Variants in ARHGEF28 observed in about 807,000 individuals in gnomAD.
ARHGEF28 encodes the protein 190 kDa guanine nucleotide exchange factor.
In ARHGEF28, 152 loss-of-function variants were observed where a neutral mutation model predicts 206.6. That is an observed-to-expected ratio of 0.74 (90% CI 0.64 to 0.84). ARHGEF28 has a LOEUF of 0.84. Ranked by LOEUF, ARHGEF28 falls within the 40% of genes least tolerant of loss-of-function variation. The pLI, the probability that ARHGEF28 is intolerant of heterozygous loss-of-function variation, is 0.00. For synonymous variants in ARHGEF28, 763 were observed against 776.4 expected (o/e 0.98, Z 0.29); for missense variants, 2,028 against 2,073.2 (o/e 0.98, Z 0.42).
chr5:73,878,017 A>G (rs1191423267), intron 22 of ARHGEF28, among the ~76,000 whole-genome samples: 1 of 152,188 alleles, frequency 6.6e-6, no homozygotes, highest in East Asian at 1.9e-4. Flanking sequence ...TAATGCTGAC[A>G]GTGGGGTGTT....
intron 35 of ARHGEF28, among the ~76,000 whole-genome samples, chr5:73,926,309 C>T (rs992193886): frequency 1.3e-5 from 2 of 152,146 alleles, no homozygotes; most frequent in Non-Finnish European, 2.9e-5. Flanking sequence ...TAGCTTCCTT[C>T]TTACTGTGCT....
intron 35 of ARHGEF28, among the ~76,000 whole-genome samples, chr5:73,915,087 A>C (rs1580095848): frequency 6.6e-6 from 1 of 152,284 alleles, no homozygotes; most frequent in Middle Eastern, 3.4e-3. Flanking sequence ...GAACTAATCT[A>C]ATCCTTTTGT....
intron 10 of ARHGEF28, among the ~76,000 whole-genome samples, chr5:73,836,199 T>G (rs1008710903): frequency 6.6e-6 from 1 of 152,212 alleles, no homozygotes; most frequent in East Asian, 1.9e-4. Context: ...GGTAGTTGTA[T>G]TTTAAATTTT....
chr5:73,660,791 G>A (rs1024618833), intron 1 of ARHGEF28, among the ~76,000 whole-genome samples: 1 of 152,168 alleles, frequency 6.6e-6, no homozygotes, highest in Non-Finnish European at 1.5e-5. Flanking sequence ...TGAGCAGTAG[G>A]TCTCAATAAT....
Position 73,770,833 on chromosome 5 carries a change from CAGAA to C in ARHGEF28, c.476-3018_476-3015del, listed in dbSNP as rs1374411619. Among the ~76,000 whole-genome samples, 5 of 152,310 alleles carry C rather than the reference CAGAA, an allele frequency of 3.3e-5. No homozygotes were observed. The South Asian group carries it at 1.0e-3, about 32-fold the overall frequency. On this transcript the variant is annotated intron_variant, in intron 4 of 35. Transcript: ENST00000513042. ...CCTCCCCGGGAAGTGGGTAGATTCT[CAGAA>C]AGAGAGGCAACAGTGAGCCATTCAG...
chr5:73,737,628 C>T (rs1751078108), intron 2 of ARHGEF28, among the ~76,000 whole-genome samples: 1 of 151,714 alleles, frequency 6.6e-6, no homozygotes, highest in Non-Finnish European at 1.5e-5. Context: ...TCTTCTGCCT[C>T]AGCCTCCCAA....
intron 1 of ARHGEF28, among the ~76,000 whole-genome samples, chr5:73,654,428 G>C (rs934655300): frequency 6.6e-6 from 1 of 152,220 alleles, no homozygotes; most frequent in Admixed American, 6.5e-5. Flanking sequence ...TTGGCAGTAG[G>C]GGAGTGGGCT....
chr5:73,756,670 T>C (rs1752329265), intron 4 of ARHGEF28, among the ~76,000 whole-genome samples: 1 of 152,202 alleles, frequency 6.6e-6, no homozygotes, highest in Non-Finnish European at 1.5e-5. Context: ...TAAGTTTAGA[T>C]TGGTAGGTCT....
At chr5:73,877,138 G>T (rs1760561050) in intron 22 of ARHGEF28, among the ~76,000 whole-genome samples, 1 of 137,762 alleles carries the variant, frequency 7.3e-6, no homozygotes, top group Non-Finnish European at 1.6e-5. Flanking sequence ...CTTCTTCCTG[G>T]TTTAGTCTTG....
intron 22 of ARHGEF28, among the ~76,000 whole-genome samples, chr5:73,879,569 G>A (rs1463232094): frequency 6.6e-6 from 1 of 152,074 alleles, no homozygotes; most frequent in Non-Finnish European, 1.5e-5. Flanking sequence ...TCTACTTTTG[G>A]TCTTTGATGA....
Position 73,801,292 on chromosome 5 carries a change from A to G in ARHGEF28, c.1024+5901A>G, listed in dbSNP as rs570233766. On this transcript the variant is annotated intron_variant, in intron 9 of 35. Transcript: ENST00000513042. ...AAACCCGGTCTCTACTAAAACTACA[A>G]AAAAATTAGCCAGGCGTGGTGGTAG... Among the ~76,000 whole-genome samples the G allele has an allele frequency of 3.3e-3, 497 of 151,874 alleles. 2 individuals carry two copies. Among genetic ancestry groups the G allele is most frequent in the African/African-American group, 0.011 (456 of 41,414 alleles).
chr5:73,826,968 GA>G (rs1288945097), intron 9 of ARHGEF28, among the ~76,000 whole-genome samples: 1 of 152,158 alleles, frequency 6.6e-6, no homozygotes, highest in African/African-American at 2.4e-5. Context: ...ACTTTGCAGT[GA>G]GAAGCTGGCC....
At position 73,887,088 on chromosome 5, in the gene ARHGEF28, C is replaced by A. The variant is rs138464765; in HGVS notation, c.3311-515C>A. Among the ~76,000 whole-genome samples, 4 of 152,304 alleles carry A rather than the reference C, an allele frequency of 2.6e-5. No homozygotes were observed. The East Asian group carries it at 7.7e-4, about 29-fold the overall frequency. ...ACCTGTAGATTCTATTGCTCGAAGT[C>A]ATTTGCTGTTTATCCATTTAATAGA... On this transcript the variant is annotated intron_variant, in intron 25 of 35. Coordinates refer to ENST00000513042, the MANE Select transcript of ARHGEF28 (RefSeq NM_001177693.2).
At position 73,870,133 on chromosome 5, in the gene ARHGEF28, T is replaced by C. The variant is rs573859239; in HGVS notation, c.2490T>C (p.Ser830=). ...ATGCCCAGGAGTTTGAAGCAGAATC[T>C]TGGAGTCTTGTGGTGGATCCCTCAT... ...SSDAQEFEAE[S]WSLVVDPSFC... is the part of the protein sequence containing the mutation. Residue 830 remains serine (S), a synonymous_variant, in exon 21 of 36, where the codon TCT becomes TCC. Transcript: ENST00000513042. The C allele has an allele frequency of 4.3e-6, 7 of 1,613,970 alleles. 1 individual carries two copies. Among genetic ancestry groups the C allele is most frequent in the Admixed American group, 3.3e-5 (2 of 60,020 alleles).
At chr5:73,817,300 A>G (rs1245609791) in intron 9 of ARHGEF28, among the ~76,000 whole-genome samples, 6 of 152,270 alleles carry the variant, frequency 3.9e-5, no homozygotes, top group African/African-American at 1.4e-4. Context: ...AATGCATACC[A>G]GAAAGCTTGA....
At chr5:73,779,501 G>A (rs1312687298) in intron 6 of ARHGEF28, among the ~76,000 whole-genome samples, 2 of 152,082 alleles carry the variant, frequency 1.3e-5, no homozygotes, top group East Asian at 3.9e-4. Flanking sequence ...AACCAGCATT[G>A]CCTTGATGTT....
At chr5:73,821,959 G>A (rs578119351) in intron 9 of ARHGEF28, among the ~76,000 whole-genome samples, 2 of 152,218 alleles carry the variant, frequency 1.3e-5, no homozygotes, top group East Asian at 3.9e-4. Flanking sequence ...GGAAAGATTG[G>A]TTTTTGTTCT....
intron 2 of ARHGEF28, among the ~76,000 whole-genome samples, chr5:73,741,373 GTGTGTGTGTGTGTATATATATATATA>G (rs1751382634): frequency 4.0e-5 from 2 of 50,324 alleles, no homozygotes; most frequent in Non-Finnish European, 7.4e-5. Context: ...GTGTGTGTGT[GTGTGTGTGTGTGTATATATATATATA>G]TATATATATA....
At chr5:73,670,318 A>G (rs1580462493) in intron 1 of ARHGEF28, among the ~76,000 whole-genome samples, 1 of 152,342 alleles carries the variant, frequency 6.6e-6, no homozygotes. Flanking sequence ...TCTCGTATGT[A>G]TCAATAGTTT....
Sources: allele counts gnomAD v4.1 joint callset (sites outside exome capture counted in the v4.1 genomes callset), GRCh38; gene constraint gnomAD v4.1.1; transcripts MANE v1.5; gene names NCBI Gene and HGNC (gene_info 2026-07-23, HGNC 2026-07-21).